RGPD3: variants seen among roughly 807,000 people sequenced by gnomAD.
RGPD3 encodes ranBP2-like and GRIP domain-containing protein 3.
In RGPD3, 62 loss-of-function variants were observed where a neutral mutation model predicts 154.5. The observed-to-expected ratio is 0.40, with a 90% CI of 0.33 to 0.50. RGPD3 has a LOEUF of 0.50. Ranked by LOEUF, RGPD3 falls within the 20% of genes least tolerant of loss-of-function variation. The probability of loss-of-function intolerance (pLI) is 0.59; values close to 1 mark genes in which losing one functional copy is unlikely to be tolerated. For missense variants in RGPD3, 919 were observed against 1,716.8 expected (o/e 0.54, Z 8.21); for synonymous variants, 308 against 607.0 (o/e 0.51, Z 7.24).
In RGPD3 at chr2:106,433,032, A is replaced by C; in HGVS notation, c.2386-14T>G. On this transcript the variant is annotated splice_polypyrimidine_tract_variant and intron_variant, in intron 16 of 22. Transcript: ENST00000409886. The stretch of plus-strand genomic sequence containing the variant: ...TTTGGGAGAATACTAAAAAAAAAAT[A>C]AAAATAACAAAAGAGCATTTAAAAC... The C allele has an allele frequency of 6.2e-7, 1 of 1,610,960 alleles. No homozygotes were observed. Among genetic ancestry groups the C allele is most frequent in the South Asian group, 1.1e-5 (1 of 90,728 alleles).
chr2:106,459,512 C>T (rs1240761784), intron 1 of RGPD3, among the ~76,000 whole-genome samples, 180 bp from the exon 2 acceptor site: 36 of 149,030 alleles, frequency 2.4e-4, no homozygotes, highest in African/African-American at 8.2e-4. Context: ...TATCACAAAA[C>T]AAAAAATAGA....
In RGPD3 at chr2:106,424,954, A is replaced by G. The variant is rs1378942955; in HGVS notation, c.3013T>C (p.Ser1005Pro). Residue 1005 changes from serine (S) to proline (P), a missense_variant, in exon 20 of 23, where the codon TCA becomes CCA. Coordinates refer to ENST00000409886, the MANE Select transcript of RGPD3 (RefSeq NM_001144013.2). ...TTGGCCATTTTACCGTATTGTGATGAGAATAATTTTTCTCCAGCACCTGAA... is the reference window on the plus strand; with the variant it reads ...TTGGCCATTTTACCGTATTGTGATGGGAATAATTTTTCTCCAGCACCTGAA... ...GFSGAGEKLF[S>P]SQYGKMANKA... 6.2e-7 allele frequency: 1 copy of G among 1,611,898 alleles called. No homozygotes were observed. The highest frequency in any genetic ancestry group is 2.2e-5 in the East Asian group (1 of 44,856).
chr2:106,424,514 A>T lies in RGPD3; in HGVS notation c.3453T>A (p.Phe1151Leu). The T allele has an allele frequency of 6.2e-7, 1 of 1,606,532 alleles. No homozygotes were observed. The highest frequency in any genetic ancestry group is 8.5e-7 in the Non-Finnish European group (1 of 1,179,144). The change falls in exon 20 of 23, where the codon TTT becomes TTA. Residue 1151 changes from phenylalanine to leucine, a missense_variant. By Grantham distance (22) the Phe-to-Leu change is conservative. Transcript: ENST00000409886. ...DAKLERLAAK[F>L]KTPELAEEFK... ...ATTCTTCAGCCAGCTCTGGTGTTTT[A>T]AATTTTGCTGCCAATCGCTCTAGTT...
rs1677736555 is a variant in RGPD3, at chr2:106,441,340, C to A, written c.1019G>T (p.Gly340Val). ...GGCCATCATTTCCAGCAGATTTTGT[C>A]CAGCTTCACCTTTTATTAATTTAAT... ...PKIKLIKGEA[G>V]QNLLEMMACD... The change falls in exon 8 of 23, where the codon GGA (glycine) becomes GTA (valine). Residue 340 changes from glycine to valine, a missense_variant. By Grantham distance (109) the Gly-to-Val change is moderately radical (BLOSUM62 -3). Coordinates refer to ENST00000409886, the MANE Select transcript of RGPD3 (RefSeq NM_001144013.2). 1 of 1,565,024 alleles carries A rather than the reference C, an allele frequency of 6.4e-7. No homozygotes were observed. The highest frequency in any genetic ancestry group is 8.6e-7 in the Non-Finnish European group (1 of 1,156,466).
At chr2:106,425,306 C>T (rs1316705955) in intron 19 of RGPD3, 40 bp from the exon 20 acceptor site, 5 of 1,608,230 alleles carry the variant, frequency 3.1e-6, no homozygotes, top group Non-Finnish European at 3.4e-6. Context: ...GATCCACATG[C>T]CCAAAATAGT....
chr2:106,468,139 A>ATCGAGGCCGCCGCCGGGCCGGG (rs1175289895), intron 1 of RGPD3, 78 bp downstream of exon 1: 17 of 1,515,264 alleles, frequency 1.1e-5, no homozygotes, highest in African/African-American at 4.2e-5. Context: ...CGCCTGAGCC[A>ATCGAGGCCGCCGCCGGGCCGGG]TCGAGGCCGC....
chr2:106,458,936 T>A (rs1678317908), intron 2 of RGPD3, among the ~76,000 whole-genome samples: 1 of 134,020 alleles, frequency 7.5e-6, no homozygotes, highest in African/African-American at 2.6e-5. Context: ...TTCCATCTGA[T>A]TAAGGTATCA....
Position 106,405,205 on chromosome 2 carries a change from G to A in RGPD3, c.*14C>T. On this transcript the variant is annotated 3_prime_UTR_variant, in exon 23 of 23. Transcript: ENST00000409886. ...ACGAAGATAGGATGCCCATCCAGAA[G>A]AACGGGAAGCATTTTATTCCTCACC... 6.2e-7 allele frequency: 1 copy of A among 1,609,338 alleles called. No individual in the cohort carries two copies. The highest frequency in any genetic ancestry group is 1.7e-5 in the Admixed American group (1 of 59,190).
At chr2:106,468,455 C>T (rs1449630787), upstream of RGPD3, 12 of 1,347,408 alleles carry the variant, frequency 8.9e-6, no homozygotes, top group African/African-American at 7.4e-5. Flanking sequence ...GGAACGTTGG[C>T]GACTTCGGCG....
intron 18 of RGPD3, among the ~76,000 whole-genome samples, chr2:106,428,636 T>C (rs1677270934): frequency 1.3e-5 from 2 of 151,792 alleles, no homozygotes; most frequent in Admixed American, 1.3e-4. Context: ...ATCACACAAA[T>C]GTGCTCATCT....
intron 9 of RGPD3, among the ~76,000 whole-genome samples, chr2:106,438,664 T>G (rs1250645830): frequency 6.6e-6 from 1 of 151,888 alleles, no homozygotes; most frequent in East Asian, 1.9e-4. Flanking sequence ...GCATTTGTAA[T>G]CCCGCTACTT....
intron 1 of RGPD3, 146 bp from the exon 2 acceptor site, chr2:106,459,478 A>G (rs1558861278): frequency 2.7e-5 from 12 of 446,506 alleles, no homozygotes; most frequent in Non-Finnish European, 4.8e-5. Flanking sequence ...TGACAAATGC[A>G]TAATTCCATG....
intron 21 of RGPD3, among the ~76,000 whole-genome samples, chr2:106,414,916 C>T (rs71419308): frequency 1.3e-5 from 2 of 152,166 alleles, no homozygotes; most frequent in Non-Finnish European, 2.9e-5. Flanking sequence ...AGCTATGAGT[C>T]TGAATTTTGT....
chr2:106,448,970 G>C (rs1458033786), intron 6 of RGPD3, among the ~76,000 whole-genome samples: 1,794 of 148,170 alleles, frequency 0.012, 19 homozygotes, highest in African/African-American at 0.034. Context: ...GGATTACAGG[G>C]CTGAGCCACC....
intron 18 of RGPD3, among the ~76,000 whole-genome samples, chr2:106,426,784 G>T (rs1458927918): frequency 6.6e-6 from 1 of 152,250 alleles, no homozygotes; most frequent in Admixed American, 6.5e-5. Context: ...ACAACCAAAA[G>T]ATCTTTCATG....
chr2:106,436,191 T>C lies in RGPD3; in HGVS notation c.1690A>G (p.Arg564Gly), dbSNP rs1353190998. The C allele has an allele frequency of 2.5e-6, 4 of 1,611,900 alleles. No homozygotes were observed. In the South Asian group the frequency reaches 3.3e-5, roughly 13 times the overall value. The change falls in exon 12 of 23, where the codon AGA (arginine) becomes GGA (glycine). Residue 564 changes from arginine to glycine, a missense_variant. Physicochemically the swap from Arg to Gly is moderately radical, Grantham distance 125. Transcript: ENST00000409886. Reference sequence around the variant, plus strand: ...TGAAGGCCATGTTTTTCCTGGGCTCTTAGAGTGTTTATTTCATGCTGAACT... The same window carrying C: ...TGAAGGCCATGTTTTTCCTGGGCTCCTAGAGTGTTTATTTCATGCTGAACT... ...LLVQHEINTL[R>G]AQEKHGLQPA...
At position 106,436,174 on chromosome 2, in the gene RGPD3, A is replaced by G; in HGVS notation, c.1707T>C (p.His569=). ...EINTLRAQEK[H]GLQPALLVHW... is the part of the protein sequence containing the mutation. ...GTACAAGCAGAGCAGGTTGAAGGCC[A>G]TGTTTTTCCTGGGCTCTTAGAGTGT... The change falls in exon 12 of 23, where the codon CAT becomes CAC. Residue 569 remains histidine, a synonymous_variant. Coordinates refer to ENST00000409886, the MANE Select transcript of RGPD3 (RefSeq NM_001144013.2). 1.2e-6 allele frequency: 2 copies of G among 1,611,900 alleles called. No homozygotes were observed. The highest frequency in any genetic ancestry group is 2.3e-4 in the Middle Eastern group (1 of 4,430).
intron 6 of RGPD3, among the ~76,000 whole-genome samples, chr2:106,451,014 G>T (rs1339480261): frequency 2.0e-5 from 3 of 150,012 alleles, no homozygotes; most frequent in Admixed American, 2.0e-4. Context: ...GCCTGAACCC[G>T]GGAGGCGGAG....
chr2:106,468,080 G>A (rs1447990441), intron 1 of RGPD3, 137 bp downstream of exon 1: 35 of 1,153,852 alleles, frequency 3.0e-5, no homozygotes, highest in South Asian at 1.7e-4. Flanking sequence ...GGTCGAGGCC[G>A]CCGCCTCCAC....
Sources: allele counts gnomAD v4.1 joint callset (sites outside exome capture counted in the v4.1 genomes callset), GRCh38; gene constraint gnomAD v4.1.1; transcripts MANE v1.5; gene names NCBI Gene and HGNC (gene_info 2026-07-23, HGNC 2026-07-21).